The following MMP16 variants were observed in gnomAD, a reference collection of about 807,000 sequenced individuals.
MMP16 encodes the protein matrix metalloproteinase-16.
A neutral mutation model predicts 67.8 loss-of-function variants in MMP16; 12 were observed. The observed-to-expected ratio is 0.18, with a 90% CI of 0.11 to 0.29. MMP16 has a LOEUF of 0.29. MMP16 is among the 10% of genes least tolerant of loss of function. The pLI, the probability that MMP16 is intolerant of heterozygous loss-of-function variation, is 1.00. For missense variants in MMP16, 475 were observed against 765.7 expected (o/e 0.62, Z 4.48); for synonymous variants, 249 against 255.9 (o/e 0.97, Z 0.26).
chr8:88,092,645 A>G (rs1031244592), intron 6 of MMP16, among the ~76,000 whole-genome samples: 1 of 151,920 alleles, frequency 6.6e-6, no homozygotes, highest in African/African-American at 2.4e-5. Flanking sequence ...GCATAAATAA[A>G]TCAAAAAATG....
At chr8:88,176,094 T>A (rs575247017) in intron 3 of MMP16, among the ~76,000 whole-genome samples, 1 of 152,230 alleles carries the variant, frequency 6.6e-6, no homozygotes. Context: ...ATATTCACTT[T>A]GCACACCGGG....
chr8:88,157,772 T>G (rs150002218), intron 4 of MMP16, among the ~76,000 whole-genome samples: 13 of 152,250 alleles, frequency 8.5e-5, no homozygotes, highest in African/African-American at 1.9e-4. Flanking sequence ...GCTGCACCCA[T>G]TAACTCGTCA....
chr8:88,263,095 CT>C (rs1311472439), intron 1 of MMP16, among the ~76,000 whole-genome samples: 8 of 151,998 alleles, frequency 5.3e-5, no homozygotes, highest in Non-Finnish European at 5.9e-5. Context: ...CGATACACCA[CT>C]ATCATTGCCA....
chr8:88,148,610 C>T (rs535379849), intron 4 of MMP16, among the ~76,000 whole-genome samples: 37 of 152,160 alleles, frequency 2.4e-4, no homozygotes, highest in Admixed American at 5.9e-4. Context: ...ATTTCACACA[C>T]GCTCACCACT....
At chr8:88,046,474 CTAAGT>C (rs1348420178) in intron 9 of MMP16, among the ~76,000 whole-genome samples, 190 bp downstream of exon 9, 4 of 151,792 alleles carry the variant, frequency 2.6e-5, no homozygotes, top group Non-Finnish European at 5.9e-5. Context: ...TTTTTATAAA[CTAAGT>C]TGAGGTTAAA....
chr8:88,189,498 C>T (rs1809132458), intron 2 of MMP16, among the ~76,000 whole-genome samples: 1 of 152,144 alleles, frequency 6.6e-6, no homozygotes, highest in Non-Finnish European at 1.5e-5. Context: ...CTCAAAATGT[C>T]TCTTGTATCT....
chr8:88,252,531 T>C (rs1387432168), intron 1 of MMP16, among the ~76,000 whole-genome samples: 1 of 147,224 alleles, frequency 6.8e-6, no homozygotes, highest in East Asian at 2.0e-4. Flanking sequence ...ATGTCAAACA[T>C]AAAAAAGGAG....
chr8:88,265,097 A>C (rs181360601), intron 1 of MMP16, among the ~76,000 whole-genome samples: 1 of 152,216 alleles, frequency 6.6e-6, no homozygotes, highest in Non-Finnish European at 1.5e-5. Flanking sequence ...TGCTGTAAGC[A>C]GAATCCTTTT....
chr8:88,212,513 G>A (rs2129821767), intron 1 of MMP16, among the ~76,000 whole-genome samples: 1 of 152,086 alleles, frequency 6.6e-6, no homozygotes, highest in South Asian at 2.1e-4. Flanking sequence ...AAGAACATAT[G>A]ACAAATTTAG....
At chr8:88,065,462 A>T (rs926817406) in intron 7 of MMP16, among the ~76,000 whole-genome samples, 2 of 152,090 alleles carry the variant, frequency 1.3e-5, no homozygotes, top group Non-Finnish European at 2.9e-5. Context: ...TATGTTTTAG[A>T]TGATCATTTC....
chr8:88,214,667 A>C (rs1809561119), intron 1 of MMP16, among the ~76,000 whole-genome samples: 1 of 152,202 alleles, frequency 6.6e-6, no homozygotes, highest in Non-Finnish European at 1.5e-5. Context: ...CTCTCTGAGC[A>C]ATTTCCAAGT....
chr8:88,267,894 A>G (rs1460982535), intron 1 of MMP16, among the ~76,000 whole-genome samples: 2 of 152,220 alleles, frequency 1.3e-5, no homozygotes, highest in Non-Finnish European at 2.9e-5. Flanking sequence ...TCCTGTCATT[A>G]CACAGGAGTG....
At chr8:88,080,577 A>C (rs1808730017) in intron 6 of MMP16, among the ~76,000 whole-genome samples, 1 of 152,128 alleles carries the variant, frequency 6.6e-6, no homozygotes, top group Non-Finnish European at 1.5e-5. Context: ...CTGGAACTAC[A>C]GGCATCTGCC....
At chr8:88,189,595 T>C (rs978298368) in intron 2 of MMP16, among the ~76,000 whole-genome samples, 3 of 152,210 alleles carry the variant, frequency 2.0e-5, no homozygotes, top group African/African-American at 7.2e-5. Context: ...CTGCATGTTC[T>C]GAGCATGAAA....
chr8:88,199,764 C>G (rs1245549010), intron 1 of MMP16, among the ~76,000 whole-genome samples: 1 of 151,826 alleles, frequency 6.6e-6, no homozygotes, highest in African/African-American at 2.4e-5. Flanking sequence ...ACAGATTATA[C>G]CATACCCTTC....
intron 8 of MMP16, among the ~76,000 whole-genome samples, chr8:88,052,892 C>T (rs1393908344): frequency 1.3e-5 from 2 of 152,166 alleles, no homozygotes; most frequent in Non-Finnish European, 2.9e-5. Context: ...CCAACCTGTC[C>T]TTACCACCAG....
intron 7 of MMP16, among the ~76,000 whole-genome samples, chr8:88,059,405 A>G (rs1309551839): frequency 6.6e-6 from 1 of 152,218 alleles, no homozygotes; most frequent in Non-Finnish European, 1.5e-5. Context: ...TCTCTGATCC[A>G]AATATCTCTT....
intron 6 of MMP16, among the ~76,000 whole-genome samples, chr8:88,092,123 T>A (rs778545445): frequency 2.0e-5 from 3 of 151,866 alleles, no homozygotes; most frequent in Non-Finnish European, 4.4e-5. Context: ...GCCGAAACAC[T>A]GTAACTACTG....
intron 1 of MMP16, among the ~76,000 whole-genome samples, chr8:88,307,584 T>C (rs1278322958): frequency 6.6e-6 from 1 of 152,064 alleles, no homozygotes; most frequent in Non-Finnish European, 1.5e-5. Context: ...AGAAAGTAAC[T>C]AGTATCTTAA....
Sources: gnomAD v4.1 joint callset for allele counts (sites outside exome capture counted in the v4.1 genomes callset) on GRCh38, gnomAD v4.1.1 for gene constraint, MANE v1.5 for transcripts, NCBI Gene and HGNC (gene_info 2026-07-23, HGNC 2026-07-21) for gene names.